The following FGF1 variants were observed in gnomAD, a reference collection of about 807,000 sequenced individuals.
The protein encoded by FGF1 is fibroblast growth factor 1, also known as beta-endothelial cell growth factor.
FGF1 carries 9 observed loss-of-function variants against 13.4 expected under a neutral mutation model. The observed-to-expected ratio is 0.67, with a 90% CI of 0.40 to 1.17. The LOEUF (loss-of-function observed/expected upper bound fraction) is 1.17, where lower values mean the gene tolerates loss of function less well. Among genes scored for constraint, FGF1 ranks in the 50% most tolerant of loss-of-function variants. The probability of loss-of-function intolerance (pLI) is 0.01; values close to 1 mark genes in which losing one functional copy is unlikely to be tolerated. For synonymous variants in FGF1, 93 were observed against 79.0 expected (o/e 1.18, Z -0.94); for missense variants, 156 against 192.7 (o/e 0.81, Z 1.13).
intron 1 of FGF1, among the ~76,000 whole-genome samples, chr5:142,679,184 C>G (rs1186261539): frequency 6.6e-6 from 1 of 152,198 alleles, no homozygotes; most frequent in South Asian, 2.1e-4. Flanking sequence ...CCGCCTGCTT[C>G]TTGGGTTCTG....
At chr5:142,629,555 C>T (rs1378406960) in intron 1 of FGF1, among the ~76,000 whole-genome samples, 3 of 152,156 alleles carry the variant, frequency 2.0e-5, no homozygotes, top group African/African-American at 7.2e-5. Flanking sequence ...AGGAAGCCCT[C>T]CTGACTTCCT....
At chr5:142,623,968 G>A (rs1762064090) in intron 1 of FGF1, among the ~76,000 whole-genome samples, 1 of 152,028 alleles carries the variant, frequency 6.6e-6, no homozygotes, top group Non-Finnish European at 1.5e-5. Context: ...TGCCCAGGCT[G>A]GAGTGCAATG....
At chr5:142,669,754 C>T (rs1771096208) in intron 1 of FGF1, among the ~76,000 whole-genome samples, 1 of 151,976 alleles carries the variant, frequency 6.6e-6, no homozygotes, top group Non-Finnish European at 1.5e-5. Flanking sequence ...ATGAGGCAGG[C>T]ACAGGAGAAG....
intron 1 of FGF1, among the ~76,000 whole-genome samples, chr5:142,660,851 G>T (rs1769088157): frequency 6.6e-6 from 1 of 152,106 alleles, no homozygotes; most frequent in Non-Finnish European, 1.5e-5. Flanking sequence ...AAGCCATTTT[G>T]CAAATCTTTC....
intron 1 of FGF1, among the ~76,000 whole-genome samples, chr5:142,648,597 G>C (rs1193231137): frequency 7.0e-6 from 1 of 143,492 alleles, no homozygotes; most frequent in Non-Finnish European, 1.5e-5. Flanking sequence ...CATGGCATGT[G>C]TATACCTATG....
intron 2 of FGF1, among the ~76,000 whole-genome samples, chr5:142,613,530 A>G (rs1038614157): frequency 6.6e-6 from 1 of 152,252 alleles, no homozygotes; most frequent in South Asian, 2.1e-4. Context: ...TGGAAACATA[A>G]CCAGGAGAGT....
intron 1 of FGF1, among the ~76,000 whole-genome samples, chr5:142,635,428 G>A (rs373118226): frequency 7.9e-5 from 12 of 152,226 alleles, no homozygotes; most frequent in East Asian, 1.9e-4. Context: ...AGTCAGTGTC[G>A]ACTTAAGTGA....
At chr5:142,664,842 C>T (rs939680479) in intron 1 of FGF1, among the ~76,000 whole-genome samples, 12 of 152,150 alleles carry the variant, frequency 7.9e-5, no homozygotes, top group South Asian at 4.1e-4. Flanking sequence ...GGCGAGGTGA[C>T]GTCACCTCTC....
chr5:142,592,686 A>G lies in FGF1; in HGVS notation c.*2604T>C, dbSNP rs1754497776. ...AACCTCTTCCTTCTAAGAAGATCTG[A>G]CAGGCTCTTTGGCTGATTTGAAAGC... On this transcript the variant is annotated 3_prime_UTR_variant, in exon 4 of 4. Transcript: ENST00000337706. 1 of 377,136 alleles carries G rather than the reference A, an allele frequency of 2.7e-6. No homozygotes were observed. Among genetic ancestry groups the G allele is most frequent in the African/African-American group, 2.1e-5 (1 of 48,118 alleles). The allele number at this position is 377,136 out of a possible 1,614,324, so 23.4% of individuals were successfully genotyped here.
At chr5:142,598,155 G>A (rs1397950883) in intron 3 of FGF1, among the ~76,000 whole-genome samples, 1 of 152,162 alleles carries the variant, frequency 6.6e-6, no homozygotes, top group East Asian at 1.9e-4. Flanking sequence ...TATGTGGGTT[G>A]CCCACTCCCT....
chr5:142,652,457 T>C (rs1346347209), intron 1 of FGF1, among the ~76,000 whole-genome samples: 1 of 152,198 alleles, frequency 6.6e-6, no homozygotes, highest in Non-Finnish European at 1.5e-5. Flanking sequence ...AAGAGAGCGC[T>C]GATTCATTAC....
rs148224095 is a variant in FGF1 at position 142,600,752 on chromosome 5, C to T, written c.223G>A (p.Glu75Lys). 3.8e-4 allele frequency: 618 copies of T among 1,613,858 alleles called. No individual in the cohort carries two copies. Among genetic ancestry groups the T allele is most frequent in the Non-Finnish European group, 4.9e-4 (573 of 1,179,910 alleles). Reference protein sequence around the residue: ...SVGEVYIKSTETGQYLAMDTD... With the variant: ...SVGEVYIKSTKTGQYLAMDTD... ...TCCATGGCCAAGTACTGGCCAGTCT[C>T]GGTACTCTTTATATACACCTCCCCC... The change falls in exon 3 of 4, where the codon GAG becomes AAG. Residue 75 changes from glutamate to lysine, a missense_variant. Glu to Lys is a moderately conservative substitution (Grantham distance 56). Coordinates refer to ENST00000337706, the MANE Select transcript of FGF1 (RefSeq NM_000800.5).
intron 2 of FGF1, among the ~76,000 whole-genome samples, chr5:142,610,109 T>C (rs1364094129): frequency 6.6e-6 from 1 of 152,172 alleles, no homozygotes; most frequent in Non-Finnish European, 1.5e-5. Context: ...ACTGCAGTGT[T>C]CTTAGAGTGA....
intron 2 of FGF1, among the ~76,000 whole-genome samples, chr5:142,606,319 A>G (rs1321102978): frequency 2.6e-5 from 4 of 151,580 alleles, no homozygotes; most frequent in Admixed American, 1.3e-4. Flanking sequence ...CTAAATTGCA[A>G]TGGGAGAATA....
In FGF1 at chr5:142,593,764, A is replaced by G. The variant is rs1040843167; in HGVS notation, c.*1526T>C. On this transcript the variant is annotated 3_prime_UTR_variant, in exon 4 of 4. Transcript: ENST00000337706. ...CAGTTTAACTGCTTTCAAGCTATAT[A>G]TTTTTAAATGCAATTAAAACATACA... 6.6e-6 allele frequency: 1 copy of G among 152,656 alleles called. No individual in the cohort carries two copies. Among genetic ancestry groups the G allele is most frequent in the African/African-American group, 2.4e-5 (1 of 41,460 alleles). 9.5% of individuals were successfully genotyped at this position (152,656 alleles called of 1,614,324 possible).
At chr5:142,631,700 A>C (rs1763398864) in intron 1 of FGF1, among the ~76,000 whole-genome samples, 1 of 152,120 alleles carries the variant, frequency 6.6e-6, no homozygotes, top group Non-Finnish European at 1.5e-5. Flanking sequence ...CTCAGACTTC[A>C]ATACAGGTGC....
At chr5:142,684,650 A>G (rs184940318) in intron 1 of FGF1, among the ~76,000 whole-genome samples, 26 of 152,324 alleles carry the variant, frequency 1.7e-4, no homozygotes, top group African/African-American at 5.5e-4. Context: ...ACTGTGAATC[A>G]GAGTCTCCAC....
intron 3 of FGF1, among the ~76,000 whole-genome samples, chr5:142,598,516 A>G (rs541788688): frequency 1.3e-5 from 2 of 152,300 alleles, no homozygotes; most frequent in East Asian, 3.9e-4. Flanking sequence ...AAAAAATTGG[A>G]AAATACAGGA....
At chr5:142,620,566 T>G (rs1157973821) in intron 1 of FGF1, among the ~76,000 whole-genome samples, 2 of 152,192 alleles carry the variant, frequency 1.3e-5, no homozygotes, top group Non-Finnish European at 2.9e-5. Flanking sequence ...CATGTATATA[T>G]CTAATGACAT....
Sources: allele counts gnomAD v4.1 joint callset (sites outside exome capture counted in the v4.1 genomes callset), GRCh38; gene constraint gnomAD v4.1.1; transcripts MANE v1.5; gene names NCBI Gene and HGNC (gene_info 2026-07-23, HGNC 2026-07-21).